Variants in NRXN1 observed in about 807,000 individuals in gnomAD.
NRXN1 encodes the protein neurexin 1, also known as neurexin-1.
A neutral mutation model predicts 150.9 loss-of-function variants in NRXN1; 39 were observed. The ratio of observed to expected loss-of-function variants is 0.26; its 90% CI spans 0.20 to 0.34. The LOEUF (loss-of-function observed/expected upper bound fraction) is 0.34, where lower values mean the gene tolerates loss of function less well. Among genes scored for constraint, NRXN1 ranks in the 10% least tolerant of loss-of-function variants. The probability of loss-of-function intolerance (pLI) is 1.00; values close to 1 mark genes in which losing one functional copy is unlikely to be tolerated. For missense variants in NRXN1, 1,815 were observed against 1,949.9 expected (o/e 0.93, Z 1.30); for synonymous variants, 924 against 757.0 (o/e 1.22, Z -3.62).
At chr2:50,198,800 T>C (rs1271111590) in intron 18 of NRXN1, among the ~76,000 whole-genome samples, 2 of 152,174 alleles carry the variant, frequency 1.3e-5, no homozygotes, top group Non-Finnish European at 2.9e-5. Flanking sequence ...GCATGGTTTC[T>C]TGTACTCTGC....
chr2:50,692,024 C>G (rs560586245), intron 5 of NRXN1, among the ~76,000 whole-genome samples: 1 of 152,038 alleles, frequency 6.6e-6, no homozygotes, highest in African/African-American at 2.4e-5. Flanking sequence ...TGGGGAGATA[C>G]GTCTGTGTGT....
At chr2:50,565,156 A>C (rs1669658062) in intron 8 of NRXN1, among the ~76,000 whole-genome samples, 2 of 152,030 alleles carry the variant, frequency 1.3e-5, no homozygotes, top group South Asian at 2.1e-4. Context: ...CAGGTAGCTC[A>C]AGAATGGAAG....
rs1391196065 is a variant in NRXN1, at chr2:50,608,001, G to GA, written c.1320+12020dup. ...AGATCCTGACTTCCATCTCCAGAAA[G>GA]AAGGCCAAGCCCACCTGGGGCCTGG... On this transcript the variant is annotated intron_variant, in intron 8 of 22. Transcript: ENST00000401669. Among the ~76,000 whole-genome samples the GA allele has an allele frequency of 4.6e-5, 7 of 151,908 alleles. No homozygotes were observed. In the South Asian group the frequency reaches 1.0e-3, roughly 23 times the overall value.
At chr2:50,198,016 A>C (rs1006549127) in intron 18 of NRXN1, among the ~76,000 whole-genome samples, 1 of 152,100 alleles carries the variant, frequency 6.6e-6, no homozygotes, top group Non-Finnish European at 1.5e-5. Flanking sequence ...AAGTCTCAAG[A>C]CAACTCCCTC....
At chr2:50,243,138 G>T (rs2066176080) in intron 17 of NRXN1, among the ~76,000 whole-genome samples, 1 of 151,636 alleles carries the variant, frequency 6.6e-6, no homozygotes, top group African/African-American at 2.4e-5. Context: ...TTATTATATT[G>T]TAAATTTCAA....
chr2:50,839,205 C>G (rs928051093), intron 5 of NRXN1, among the ~76,000 whole-genome samples: 10 of 152,022 alleles, frequency 6.6e-5, no homozygotes, highest in African/African-American at 2.4e-4. Context: ...TAGCCATGCT[C>G]CAATTTCTGA....
intron 19 of NRXN1, among the ~76,000 whole-genome samples, chr2:50,073,322 C>G (rs1368979871): frequency 6.6e-6 from 1 of 152,162 alleles, no homozygotes; most frequent in African/African-American, 2.4e-5. Context: ...TGCTGTATCC[C>G]TAGCATAAGT....
chr2:50,655,649 T>C (rs1193923079), intron 5 of NRXN1, among the ~76,000 whole-genome samples: 2 of 151,246 alleles, frequency 1.3e-5, no homozygotes, highest in Admixed American at 1.3e-4. Flanking sequence ...TTTTGTGTTG[T>C]TGTTTTTATT....
At chr2:50,733,509 T>A (rs1379570568) in intron 5 of NRXN1, among the ~76,000 whole-genome samples, 1 of 152,192 alleles carries the variant, frequency 6.6e-6, no homozygotes, top group African/African-American at 2.4e-5. Flanking sequence ...AATTTAGTTA[T>A]CTCTGCAGAC....
In NRXN1 at chr2:50,680,220, ATATAAT is replaced by A. The variant is rs1690176497; in HGVS notation, c.833-56611_833-56606del. 2.0e-5 allele frequency among the ~76,000 whole-genome samples: 3 copies of A among 152,116 alleles called. No individual in the cohort carries two copies. In the South Asian group the frequency reaches 6.2e-4, roughly 32 times the overall value. ...TAAATATACAGATCACTCACTGAAT[ATATAAT>A]TATAATATATCTGATGCCTGTATGA... On this transcript the variant is annotated intron_variant, in intron 5 of 22. Transcript: ENST00000401669.
At chr2:50,224,779 C>T (rs971317231) in intron 18 of NRXN1, among the ~76,000 whole-genome samples, 3 of 150,862 alleles carry the variant, frequency 2.0e-5, no homozygotes, top group Admixed American at 6.6e-5. Flanking sequence ...TCTCTACATT[C>T]CTAATCAATT....
intron 17 of NRXN1, among the ~76,000 whole-genome samples, chr2:50,296,335 G>A (rs1355739099): frequency 6.6e-6 from 1 of 152,138 alleles, no homozygotes; most frequent in Non-Finnish European, 1.5e-5. Context: ...ATTGCCACAA[G>A]AGTTGTGAAC....
At chr2:49,956,376 T>C (rs1285420975) in intron 21 of NRXN1, among the ~76,000 whole-genome samples, 1 of 152,176 alleles carries the variant, frequency 6.6e-6, no homozygotes, top group Non-Finnish European at 1.5e-5. Context: ...ACGAGAAGCA[T>C]TGTCATGTTA....
chr2:50,165,503 C>G (rs1267603898), intron 18 of NRXN1, among the ~76,000 whole-genome samples: 1 of 152,184 alleles, frequency 6.6e-6, no homozygotes, highest in Non-Finnish European at 1.5e-5. Context: ...TATGCACCAC[C>G]ACGTCTGGCT....
chr2:50,758,539 C>T (rs1311496657), intron 5 of NRXN1, among the ~76,000 whole-genome samples: 2 of 151,836 alleles, frequency 1.3e-5, no homozygotes, highest in Non-Finnish European at 2.9e-5. Flanking sequence ...AACTCCTGGG[C>T]TCAAGCAATC....
chr2:50,514,599 C>G (rs114981627), intron 12 of NRXN1, among the ~76,000 whole-genome samples: 1 of 152,074 alleles, frequency 6.6e-6, no homozygotes, highest in South Asian at 2.1e-4. Flanking sequence ...TTGACTTTGC[C>G]GACCATGTGT....
chr2:50,349,244 G>A (rs764604358), intron 17 of NRXN1, among the ~76,000 whole-genome samples: 7 of 152,144 alleles, frequency 4.6e-5, no homozygotes, highest in East Asian at 1.9e-4. Flanking sequence ...ATTTAAATAT[G>A]CCGTGTCTCC....
At chr2:50,737,506 G>T (rs1269247224) in intron 5 of NRXN1, among the ~76,000 whole-genome samples, 1 of 152,152 alleles carries the variant, frequency 6.6e-6, no homozygotes, top group Non-Finnish European at 1.5e-5. Context: ...AAATGTAAAT[G>T]ATAGAGCTGG....
chr2:50,825,062 T>A, intron 5 of NRXN1, among the ~76,000 whole-genome samples: 1 of 152,168 alleles, frequency 6.6e-6, no homozygotes, highest in Middle Eastern at 3.2e-3. Context: ...CTTGCCACCA[T>A]AATTTTTCCC....
Sources: allele counts gnomAD v4.1 joint callset (sites outside exome capture counted in the v4.1 genomes callset), GRCh38; gene constraint gnomAD v4.1.1; transcripts MANE v1.5; gene names NCBI Gene and HGNC (gene_info 2026-07-23, HGNC 2026-07-21).